Variants in PNPLA6 observed in about 807,000 individuals in gnomAD.
PNPLA6 encodes patatin-like phospholipase domain-containing protein 6.
Under a neutral mutation model 153.7 loss-of-function variants are expected in PNPLA6, and 105 were observed. The observed-to-expected ratio is 0.68, with a 90% CI of 0.58 to 0.80. The LOEUF (loss-of-function observed/expected upper bound fraction) is 0.80. Among genes scored for constraint, PNPLA6 ranks in the 30% least tolerant of loss-of-function variants. The probability of loss-of-function intolerance (pLI) is 0.00; values close to 1 mark genes in which losing one functional copy is unlikely to be tolerated. For synonymous variants in PNPLA6, 825 were observed against 822.2 expected (o/e 1.00, Z -0.06); for missense variants, 1,423 against 1,919.3 (o/e 0.74, Z 4.83).
At chr19:7,536,719 G>A (rs992753300) in intron 3 of PNPLA6, among the ~76,000 whole-genome samples, 173 bp downstream of exon 3, 2 of 152,134 alleles carry the variant, frequency 1.3e-5, no homozygotes, top group Non-Finnish European at 2.9e-5. Context: ...CCTGAGATCA[G>A]GAGTTTGAGG....
At position 7,540,739 on chromosome 19, in the gene PNPLA6, G is replaced by A. The variant is rs778730740; in HGVS notation, c.795+29G>A. On this transcript the variant is annotated intron_variant, in intron 6 of 31. Transcript: ENST00000600737. The surrounding 1 kb of genome is among the most constrained non-coding windows in gnomAD (Gnocchi z 6.8). ...AGTGACCAGTTTCTGAGGCAGGGGGGCTGGGGTGCAAGGTCCCACCCAAGG... is the reference window on the plus strand; with the variant it reads ...AGTGACCAGTTTCTGAGGCAGGGGGACTGGGGTGCAAGGTCCCACCCAAGG... 2 of 1,585,266 alleles carry A rather than the reference G, an allele frequency of 1.3e-6. No homozygotes were observed. Among genetic ancestry groups the A allele is most frequent in the Admixed American group, 1.7e-5 (1 of 59,994 alleles).
Position 7,556,733 on chromosome 19 carries a change from C to T in PNPLA6, c.3280+9C>T. ...GCGAGTCCACAAAGATGGTGGGTGT[C>T]CCCGCCCAGCCTGCAGCAACCGCTG... On this transcript the variant is annotated intron_variant, in intron 26 of 31. Transcript: ENST00000600737. 1.9e-6 allele frequency: 3 copies of T among 1,601,816 alleles called. No homozygotes were observed. The highest frequency in any genetic ancestry group is 1.7e-6 in the Non-Finnish European group (2 of 1,168,940).
chr19:7,535,625 G>A (rs984967051), upstream of PNPLA6: 19 of 1,584,636 alleles, frequency 1.2e-5, no homozygotes, highest in African/African-American at 2.4e-4. The surrounding 1 kb of genome is among the most constrained non-coding windows in gnomAD (Gnocchi z 5.0). Flanking sequence ...GGGGCGCCAA[G>A]AGGACTACAA....
chr19:7,539,757 CAAAAAAAAAA>C (rs762061101), intron 3 of PNPLA6, among the ~76,000 whole-genome samples, 151 bp from the exon 4 acceptor site: 4 of 50,890 alleles, frequency 7.9e-5, no homozygotes, highest in African/African-American at 2.1e-4. Context: ...AACTTCGTCT[CAAAAAAAAAA>C]AAAAAAAAAA....
At chr19:7,557,852 A>G (rs1476997409) in intron 27 of PNPLA6, among the ~76,000 whole-genome samples, 1 of 152,012 alleles carries the variant, frequency 6.6e-6, no homozygotes, top group African/African-American at 2.4e-5. Flanking sequence ...GCACAAGTGG[A>G]TGTACGTACA....
intron 28 of PNPLA6, 74 bp downstream of exon 28, chr19:7,559,225 T>A: frequency 7.7e-7 from 1 of 1,299,134 alleles, no homozygotes; most frequent in Non-Finnish European, 1.1e-6. Flanking sequence ...CCCAGAGTGG[T>A]ATGAGGGGGA....
chr19:7,540,132 C>G lies in PNPLA6; in HGVS notation c.555-17C>G, dbSNP rs1302926832. 6.2e-7 allele frequency: 1 copy of G among 1,613,080 alleles called. No individual in the cohort carries two copies. The highest frequency in any genetic ancestry group is 8.5e-7 in the Non-Finnish European group (1 of 1,180,000). On this transcript the variant is annotated splice_polypyrimidine_tract_variant and intron_variant, in intron 4 of 31. Transcript: ENST00000600737. This position sits in a 1 kb window ranked among gnomAD's most constrained non-coding sequence, Gnocchi z 6.8. ...GCCCTGACCTCCAGCCTCTGTCGCC[C>G]ACCGCCTGTCCAACAGGGTGCTGGG...
Position 7,541,841 on chromosome 19 carries a change from C to A in PNPLA6, c.1169-143C>A. 2.7e-6 allele frequency: 3 copies of A among 1,109,280 alleles called. No homozygotes were observed. Among genetic ancestry groups the A allele is most frequent in the Admixed American group, 2.0e-5 (1 of 51,010 alleles). The allele number at this position is 1,109,280 out of a possible 1,614,324, so 68.7% of individuals were successfully genotyped here. ...CCCAGGTCTGACTCCTATCTGGTAC[C>A]GAGGAAGCTGTGGCCTCGTCCCCAA... is the stretch of plus-strand genomic sequence containing the variant. On this transcript the variant is annotated intron_variant, in intron 9 of 31. Coordinates refer to ENST00000600737, the MANE Select transcript of PNPLA6 (RefSeq NM_001166114.2). This position sits in a 1 kb window ranked among gnomAD's most constrained non-coding sequence, Gnocchi z 5.2.
chr19:7,538,535 C>T (rs2022978564), intron 3 of PNPLA6, among the ~76,000 whole-genome samples: 2 of 152,182 alleles, frequency 1.3e-5, no homozygotes, highest in South Asian at 4.1e-4. Flanking sequence ...AACTCAGGGT[C>T]CCATCCTCCA....
intron 27 of PNPLA6, among the ~76,000 whole-genome samples, chr19:7,557,865 A>C (rs1394684598): frequency 6.6e-6 from 1 of 152,090 alleles, no homozygotes; most frequent in Non-Finnish European, 1.5e-5. Flanking sequence ...TACGTACAAG[A>C]GGGACAGGTG....
In PNPLA6 at chr19:7,551,415, G is replaced by A. The variant is rs1184908291; in HGVS notation, c.2238G>A (p.Gln746=). 1 of 1,614,014 alleles carries A rather than the reference G, an allele frequency of 6.2e-7. No individual in the cohort carries two copies. The highest frequency in any genetic ancestry group is 2.2e-5 in the East Asian group (1 of 44,874). ...LLSQKILGNL[Q]QLQGPFPGSG... ...GCCAGAAAATTCTAGGGAATTTGCA[G>A]CAGCTGCAAGGACCCTTCCCAGGTG... The change falls in exon 18 of 32, where the codon CAG becomes CAA. Residue 746 remains glutamine, a synonymous_variant. Transcript: ENST00000600737.
At position 7,535,860 on chromosome 19, in the gene PNPLA6, G is replaced by A. The variant is rs776900142; in HGVS notation, c.72G>A (p.Gln24=). The change falls in exon 1 of 32, where the codon CAG becomes CAA. Residue 24 remains glutamine, a synonymous_variant. Transcript: ENST00000600737. This position sits in a 1 kb window ranked among gnomAD's most constrained non-coding sequence, Gnocchi z 5.0. The stretch of plus-strand genomic sequence containing the variant: ...AGGTGGCGGAGAGGGATGGGTTCCA[G>A]GACGTCCTGGCGCCCGGGGAAGGCT... ...GAKVAERDGF[Q]DVLAPGEGSA... 26 of 1,539,150 alleles carry A rather than the reference G, an allele frequency of 1.7e-5. No individual in the cohort carries two copies. The South Asian group carries it at 2.7e-4, about 16-fold the overall frequency.
rs12974798 is a variant in PNPLA6, at chr19:7,561,488, G to A, written c.4024G>A (p.Glu1342Lys). 1 of 1,604,374 alleles carries A rather than the reference G, an allele frequency of 6.2e-7. No homozygotes were observed. Among genetic ancestry groups the A allele is most frequent in the East Asian group, 2.2e-5 (1 of 44,560 alleles). Residue 1342 changes from glutamate to lysine, a missense_variant and splice_region_variant, in exon 32 of 32, where the codon GAG becomes AAG. Around this residue, in one of 10 missense-constraint regions of PNPLA6, gnomAD observed 643 missense variants for 835.2 expected, o/e 0.77. Coordinates refer to ENST00000600737, the MANE Select transcript of PNPLA6 (RefSeq NM_001166114.2). ...GASPSTASEM[E>K]EEKSILRQRR... is the part of the protein sequence containing the mutation. ...ACGTGTGTGTGACCTTCCCTCGCAG[G>A]AGGAGGAGAAGTCGATTCTCCGGCA...
At chr19:7,550,154 A>AC (rs1408158328) in intron 14 of PNPLA6, 42 bp downstream of exon 14, 11 of 1,610,658 alleles carry the variant, frequency 6.8e-6, no homozygotes, top group Non-Finnish European at 7.6e-6. Context: ...CACTCGGAGG[A>AC]CCCCAACCCG....
At chr19:7,545,909 CAAAA>C (rs554820974) in intron 13 of PNPLA6, among the ~76,000 whole-genome samples, 2 of 100,526 alleles carry the variant, frequency 2.0e-5, no homozygotes, top group Non-Finnish European at 3.8e-5. Context: ...GACCCTGTCT[CAAAA>C]AAAAAAAAAA....
Position 7,555,105 on chromosome 19 carries a change from G to C in PNPLA6, c.2817+30G>C. ...GGAGCGGGCCGGCCCCCACCTTCTAGGGGCGTGGCTGGTGGGCGAGGCTTG... is the reference window on the plus strand; with the variant it reads ...GGAGCGGGCCGGCCCCCACCTTCTACGGGCGTGGCTGGTGGGCGAGGCTTG... On this transcript the variant is annotated intron_variant, in intron 22 of 31. Transcript: ENST00000600737. This position sits in a 1 kb window ranked among gnomAD's most constrained non-coding sequence, Gnocchi z 6.3. The C allele has an allele frequency of 6.3e-7, 1 of 1,587,128 alleles. No homozygotes were observed.
At position 7,561,283 on chromosome 19, in the gene PNPLA6, C is replaced by T; in HGVS notation, c.3989C>T (p.Pro1330Leu). ...PDCSRDEGGS[P>L]EGASPSTASE... is the part of the protein sequence containing the mutation. ...TGCTCGAGGGATGAAGGGGGGTCCC[C>T]CGAGGGCGCAAGCCCCAGCACTGCC... Residue 1330 changes from proline (P) to leucine (L), a missense_variant, in exon 31 of 32, where the codon CCC becomes CTC. Around this residue, in one of 10 missense-constraint regions of PNPLA6, gnomAD observed 643 missense variants for 835.2 expected, o/e 0.77. Transcript: ENST00000600737. The T allele has an allele frequency of 6.2e-7, 1 of 1,608,994 alleles. No individual in the cohort carries two copies. Among genetic ancestry groups the T allele is most frequent in the East Asian group, 2.2e-5 (1 of 44,656 alleles).
rs1201856945 is a variant in PNPLA6, at chr19:7,551,403, AG to A, written c.2229del (p.Asn744IlefsTer107). The A allele has an allele frequency of 6.2e-7, 1 of 1,613,832 alleles. No individual in the cohort carries two copies. The highest frequency in any genetic ancestry group is 1.3e-5 in the African/African-American group (1 of 74,876). On this transcript the variant is annotated frameshift_variant, in exon 18 of 32. Transcript: ENST00000600737. LOFTEE classifies it high-confidence loss of function. ...LIHLLSQKIL[G>X]NLQQLQGPFP... ...TCCACCTACTGAGCCAGAAAATTCT[AG>A]GGAATTTGCAGCAGCTGCAAGGACC...
Position 7,541,032 on chromosome 19 carries a change from G to A in PNPLA6, c.905G>A (p.Ser302Asn). Residue 302 changes from serine to asparagine, a missense_variant, in exon 7 of 32, where the codon AGC becomes AAC. This residue lies in a region of PNPLA6 where 118 missense variants were observed against 158.8 expected (regional missense o/e 0.74). Transcript: ENST00000600737. This position sits in a 1 kb window ranked among gnomAD's most constrained non-coding sequence, Gnocchi z 5.2. The stretch of plus-strand genomic sequence containing the variant: ...GCGGTCTTCACCAAGTACCCGGAGA[G>A]CTTGGTGCGGGTCGTGCAGGTCAGT... ...FSAVFTKYPE[S>N]LVRVVQIIMV... 1 of 1,610,046 alleles carries A rather than the reference G, an allele frequency of 6.2e-7. No homozygotes were observed. The highest frequency in any genetic ancestry group is 8.5e-7 in the Non-Finnish European group (1 of 1,178,932).
Sources: allele counts gnomAD v4.1 joint callset (sites outside exome capture counted in the v4.1 genomes callset), GRCh38; gene constraint gnomAD v4.1.1; regional missense constraint gnomAD v4.1.1; non-coding constraint Gnocchi (gnomAD v3.1); transcripts MANE v1.5; gene names NCBI Gene and HGNC (gene_info 2026-07-23, HGNC 2026-07-21).